The following AGBL1 variants were observed in gnomAD, a reference collection of about 807,000 sequenced individuals.
The protein encoded by AGBL1 is AGBL carboxypeptidase 1, also known as cytosolic carboxypeptidase 4.
Under a neutral mutation model 118.9 loss-of-function variants are expected in AGBL1, and 130 were observed. The ratio of observed to expected loss-of-function variants is 1.09; its 90% CI spans 0.95 to 1.26. AGBL1 has a LOEUF of 1.26. Ranked by LOEUF, AGBL1 falls within the 50% of genes most tolerant of loss-of-function variation. The pLI, the probability that AGBL1 is intolerant of heterozygous loss-of-function variation, is 0.00. For synonymous variants in AGBL1, 555 were observed against 478.9 expected (o/e 1.16, Z -2.08); for missense variants, 1,584 against 1,298.1 (o/e 1.22, Z -3.38).
chr15:86,186,957 G>T lies in AGBL1; in HGVS notation c.488+27931G>T, dbSNP rs910196176. Among the ~76,000 whole-genome samples, 8 of 152,182 alleles carry T rather than the reference G, an allele frequency of 5.3e-5. No homozygotes were observed. The East Asian group carries it at 1.5e-3, about 29-fold the overall frequency. On this transcript the variant is annotated intron_variant, in intron 5 of 22. Transcript: ENST00000614907. ...TATACAACACACACTGGTTTTTCAA[G>T]TCATCCAGCCCCAGGCTATGCTTAT...
intron 17 of AGBL1, among the ~76,000 whole-genome samples, chr15:86,357,314 C>A (rs1334947757): frequency 6.6e-6 from 1 of 152,132 alleles, no homozygotes; most frequent in East Asian, 1.9e-4. Flanking sequence ...ATAATGAATT[C>A]TATGTCTTCT....
intron 1 of AGBL1, among the ~76,000 whole-genome samples, chr15:86,140,469 A>G (rs1224320930): frequency 6.6e-6 from 1 of 152,050 alleles, no homozygotes; most frequent in Non-Finnish European, 1.5e-5. Flanking sequence ...ATATTTGCCC[A>G]CCTTTTATGA....
chr15:86,853,013 A>T (rs8041167), intron 22 of AGBL1, among the ~76,000 whole-genome samples: 241 of 151,942 alleles, frequency 1.6e-3, no homozygotes, highest in African/African-American at 5.6e-3. Flanking sequence ...TTGTTCTTCA[A>T]CTCTGCTGCA....
intron 18 of AGBL1, among the ~76,000 whole-genome samples, chr15:86,427,105 GA>G (rs1009175875): frequency 6.6e-5 from 10 of 151,066 alleles, no homozygotes; most frequent in Non-Finnish European, 1.2e-4. Flanking sequence ...ATCACCTAAA[GA>G]AAAAAAAATT....
intron 6 of AGBL1, among the ~76,000 whole-genome samples, chr15:86,231,244 C>A (rs565355142): frequency 4.6e-5 from 7 of 152,264 alleles, no homozygotes; most frequent in Non-Finnish European, 1.0e-4. Context: ...TGGGCTACAC[C>A]CAGAGTAGCT....
chr15:86,549,590 A>G (rs1475880474), intron 20 of AGBL1, among the ~76,000 whole-genome samples: 2 of 152,132 alleles, frequency 1.3e-5, no homozygotes, highest in Non-Finnish European at 2.9e-5. Flanking sequence ...CCAGTTTGCA[A>G]CCAAAAACTA....
chr15:86,846,751 C>G (rs1325425809), intron 22 of AGBL1, among the ~76,000 whole-genome samples: 1 of 152,104 alleles, frequency 6.6e-6, no homozygotes. Flanking sequence ...AGGCTGGTCT[C>G]GAACTCCTGA....
chr15:86,903,166 G>T (rs1264308568), intron 22 of AGBL1, among the ~76,000 whole-genome samples: 1 of 151,248 alleles, frequency 6.6e-6, no homozygotes, highest in Admixed American at 6.6e-5. Flanking sequence ...TCTTTCCTCT[G>T]CCTTCTCCTT....
At chr15:86,750,791 G>A (rs748705258) in intron 22 of AGBL1, among the ~76,000 whole-genome samples, 8 of 151,442 alleles carry the variant, frequency 5.3e-5, no homozygotes, top group Admixed American at 2.6e-4. Flanking sequence ...GCCTCTTCCC[G>A]CCTTCCACCC....
chr15:86,310,135 G>C (rs2079898163), intron 17 of AGBL1, among the ~76,000 whole-genome samples: 1 of 152,030 alleles, frequency 6.6e-6, no homozygotes, highest in Non-Finnish European at 1.5e-5. Flanking sequence ...AATATTTTCT[G>C]TTTCTTCATG....
chr15:86,884,214 A>G (rs1007083251), intron 22 of AGBL1, among the ~76,000 whole-genome samples: 8 of 152,228 alleles, frequency 5.3e-5, no homozygotes, highest in Non-Finnish European at 8.8e-5. Context: ...GTACTTCAAC[A>G]TAATGACAAT....
chr15:86,234,493 G>A (rs751853640), intron 6 of AGBL1, among the ~76,000 whole-genome samples: 4 of 147,574 alleles, frequency 2.7e-5, no homozygotes, highest in Non-Finnish European at 5.9e-5. Flanking sequence ...GGAGGTTGCA[G>A]TGAGCGAAGA....
chr15:86,250,118 A>T (rs1052961337), intron 7 of AGBL1, among the ~76,000 whole-genome samples: 1 of 152,136 alleles, frequency 6.6e-6, no homozygotes, highest in African/African-American at 2.4e-5. Flanking sequence ...GTGCTGAGTA[A>T]ATAGGCCATG....
chr15:86,331,920 C>T (rs1238081623), intron 17 of AGBL1, among the ~76,000 whole-genome samples: 4 of 152,146 alleles, frequency 2.6e-5, no homozygotes, highest in South Asian at 2.1e-4. Flanking sequence ...AACAACTTCA[C>T]AGTGGATGAA....
chr15:86,190,603 T>A (rs2077703852), intron 5 of AGBL1, among the ~76,000 whole-genome samples: 1 of 152,146 alleles, frequency 6.6e-6, no homozygotes. Flanking sequence ...GGTTCCCTCC[T>A]CCTCTTCCTA....
intron 22 of AGBL1, among the ~76,000 whole-genome samples, chr15:86,791,194 C>T (rs2078488688): frequency 6.6e-6 from 1 of 152,174 alleles, no homozygotes; most frequent in African/African-American, 2.4e-5. Context: ...ATGACCTGGT[C>T]ACTTTAGTAA....
chr15:86,256,643 T>G (rs2078899682), intron 7 of AGBL1, among the ~76,000 whole-genome samples: 1 of 152,254 alleles, frequency 6.6e-6, no homozygotes, highest in South Asian at 2.1e-4. Context: ...AAAGTGCAGA[T>G]TCTACATTAG....
At chr15:86,906,309 G>A (rs1029571193) in intron 22 of AGBL1, among the ~76,000 whole-genome samples, 3 of 152,224 alleles carry the variant, frequency 2.0e-5, no homozygotes, top group African/African-American at 7.2e-5. Context: ...CTCACAATAT[G>A]CTGTAAAGTT....
intron 18 of AGBL1, among the ~76,000 whole-genome samples, chr15:86,487,592 G>C (rs547214901): frequency 2.6e-4 from 40 of 151,506 alleles, no homozygotes; most frequent in Admixed American, 7.2e-4. Context: ...AAGGAAAGTA[G>C]CTTCAATCTA....
Sources: gnomAD v4.1 joint callset for allele counts (sites outside exome capture counted in the v4.1 genomes callset) on GRCh38, gnomAD v4.1.1 for gene constraint, MANE v1.5 for transcripts, NCBI Gene and HGNC (gene_info 2026-07-23, HGNC 2026-07-21) for gene names.